The following NPM2 variants were observed in gnomAD, a reference collection of about 807,000 sequenced individuals.
NPM2 encodes nucleophosmin/nucleoplasmin 2.
In NPM2, 25 loss-of-function variants were observed where a neutral mutation model predicts 32.0. The ratio of observed to expected loss-of-function variants is 0.78; its 90% CI spans 0.57 to 1.09. The LOEUF (loss-of-function observed/expected upper bound fraction) is 1.09, where lower values mean the gene tolerates loss of function less well. Among genes scored for constraint, NPM2 ranks in the 50% least tolerant of loss-of-function variants. The probability of loss-of-function intolerance (pLI) is 0.00; values close to 1 mark genes in which losing one functional copy is unlikely to be tolerated. For missense variants in NPM2, 282 were observed against 259.9 expected (o/e 1.08, Z -0.58); for synonymous variants, 111 against 94.2 (o/e 1.18, Z -1.04).
chr8:22,026,985 G>A (rs1464512995), intron 5 of NPM2, among the ~76,000 whole-genome samples: 1 of 152,158 alleles, frequency 6.6e-6, no homozygotes, highest in African/African-American at 2.4e-5. Context: ...TTTACCAAAT[G>A]CTTTTCTATT....
At chr8:22,025,879 C>T in intron 5 of NPM2, 107 bp downstream of exon 5, 2 of 1,509,062 alleles carry the variant, frequency 1.3e-6, no homozygotes, top group Non-Finnish European at 1.8e-6. Flanking sequence ...ATGAGCCATG[C>T]TAGGGAGGTA....
chr8:22,034,845 C>T (rs1167242419), intron 8 of NPM2, among the ~76,000 whole-genome samples: 2 of 152,204 alleles, frequency 1.3e-5, no homozygotes, highest in Non-Finnish European at 2.9e-5. Context: ...TGGTGGCCCA[C>T]GCCTGTAATC....
Position 22,034,232 on chromosome 8 carries a change from A to T in NPM2, c.488A>T (p.Gln163Leu). The T allele has an allele frequency of 6.2e-7, 1 of 1,608,440 alleles. No individual in the cohort carries two copies. ...CTGGAGGAGCAAAGCCCTGTCAAAC[A>T]AGTCAAAAGGCTGGTGCCCCAGAAG... ...ISLEEQSPVK[Q>L]VKRLVPQKQA... The change falls in exon 7 of 10, where the codon CAA becomes CTA. Residue 163 changes from glutamine (Q) to leucine (L), a missense_variant. By Grantham distance (113) the Gln-to-Leu change is moderately radical (BLOSUM62 -2). Coordinates refer to ENST00000518119, the MANE Select transcript of NPM2 (RefSeq NM_001286680.2).
Position 22,025,715 on chromosome 8 carries a change from G to A in NPM2, c.213G>A (p.Glu71=), listed in dbSNP as rs753006922. ...AGATCCTGCCCCCAGCAAACCAGGA[G>A]GACAAGAAGATGCAGCCGGTCACCA... ...RVEILPPANQ[E]DKKMQPVTIA... Residue 71 remains glutamate, a synonymous_variant, in exon 5 of 10, where the codon GAG becomes GAA. Transcript: ENST00000518119. 3.7e-6 allele frequency: 6 copies of A among 1,614,110 alleles called. No homozygotes were observed. In the South Asian group the frequency reaches 4.4e-5, roughly 12 times the overall value.
At chr8:22,033,575 TAGCAAC>T (rs1800513963) in intron 6 of NPM2, among the ~76,000 whole-genome samples, 1 of 152,122 alleles carries the variant, frequency 6.6e-6, no homozygotes, top group Non-Finnish European at 1.5e-5. Flanking sequence ...ACGCAGACCA[TAGCAAC>T]GCAGACCATA....
intron 5 of NPM2, among the ~76,000 whole-genome samples, chr8:22,028,191 C>A (rs568841583): frequency 6.6e-6 from 1 of 152,144 alleles, no homozygotes; most frequent in Non-Finnish European, 1.5e-5. Flanking sequence ...CACACTCATT[C>A]GTTTGTACCC....
At chr8:22,027,689 C>G (rs1051677361) in intron 5 of NPM2, among the ~76,000 whole-genome samples, 2 of 151,948 alleles carry the variant, frequency 1.3e-5, no homozygotes, top group Non-Finnish European at 2.9e-5. Context: ...TCACTGCAAC[C>G]TCCGCATCCC....
Position 22,036,762 on chromosome 8 carries a change from C to A in NPM2, c.*80C>A. On this transcript the variant is annotated 3_prime_UTR_variant, in exon 10 of 10. Transcript: ENST00000518119. Reference sequence around the variant, plus strand: ...CAGGCACAGGGTGCCCCTGTCCAGCCCCTCCACCTGTGTCTGAATGCAACA... The same window carrying A: ...CAGGCACAGGGTGCCCCTGTCCAGCACCTCCACCTGTGTCTGAATGCAACA... 7.2e-7 allele frequency: 1 copy of A among 1,395,342 alleles called. No individual in the cohort carries two copies. The highest frequency in any genetic ancestry group is 9.6e-7 in the Non-Finnish European group (1 of 1,040,036). 86.4% of individuals were successfully genotyped at this position (1,395,342 alleles called of 1,614,324 possible). A position where few individuals can be genotyped will look rare whatever the true frequency, so the allele number is the denominator to read the frequency against.
At chr8:22,031,502 G>A (rs946391206) in intron 5 of NPM2, among the ~76,000 whole-genome samples, 1 of 152,190 alleles carries the variant, frequency 6.6e-6, no homozygotes, top group Non-Finnish European at 1.5e-5. Flanking sequence ...CTGGCACGCA[G>A]TGGCGCAATC....
At chr8:22,034,751 C>T (rs995924088) in intron 8 of NPM2, among the ~76,000 whole-genome samples, 1 of 152,178 alleles carries the variant, frequency 6.6e-6, no homozygotes, top group Non-Finnish European at 1.5e-5. Flanking sequence ...GGATCTAATT[C>T]CAGTGAAGGC....
intron 5 of NPM2, among the ~76,000 whole-genome samples, chr8:22,030,153 A>G (rs1374255430): frequency 6.6e-6 from 1 of 152,016 alleles, no homozygotes; most frequent in Non-Finnish European, 1.5e-5. Context: ...TCTGCCTTAT[A>G]CTGGGTAATT....
chr8:22,029,257 C>T (rs1800356497), intron 5 of NPM2, among the ~76,000 whole-genome samples: 1 of 152,132 alleles, frequency 6.6e-6, no homozygotes, highest in South Asian at 2.1e-4. Context: ...GATTCTCCTG[C>T]CTCAGCCTCC....
chr8:22,033,788 C>T (rs182565110), intron 6 of NPM2, among the ~76,000 whole-genome samples: 1 of 152,282 alleles, frequency 6.6e-6, no homozygotes, highest in Admixed American at 6.5e-5. Flanking sequence ...CCCTACTCTG[C>T]CTACCTTTAG....
At chr8:22,027,347 G>A (rs929080424) in intron 5 of NPM2, among the ~76,000 whole-genome samples, 6 of 152,106 alleles carry the variant, frequency 3.9e-5, no homozygotes, top group Non-Finnish European at 5.9e-5. Context: ...CTTTGCAGGC[G>A]ATCTCATCCT....
chr8:22,034,496 T>A lies in NPM2; in HGVS notation c.532-14T>A. ...TGTCTGAACTCTCATAATACACTGTTTTTTGGTTCCCAGAAAAAAAAGCTG... is the reference window on the plus strand; with the variant it reads ...TGTCTGAACTCTCATAATACACTGTATTTTGGTTCCCAGAAAAAAAAGCTG... On this transcript the variant is annotated splice_polypyrimidine_tract_variant and intron_variant, in intron 7 of 9. Transcript: ENST00000518119. 1 of 1,610,444 alleles carries A rather than the reference T, an allele frequency of 6.2e-7. No homozygotes were observed. Among genetic ancestry groups the A allele is most frequent in the South Asian group, 1.1e-5 (1 of 90,916 alleles).
At position 22,024,256 on chromosome 8, in the gene NPM2, C is replaced by T. The variant is rs562821925; in HGVS notation, c.-508C>T. 1 of 152,536 alleles carries T rather than the reference C, an allele frequency of 6.6e-6. No individual in the cohort carries two copies. The highest frequency in any genetic ancestry group is 1.9e-4 in the East Asian group (1 of 5,186). 9.4% of individuals were successfully genotyped at this position (152,536 alleles called of 1,614,324 possible). ...TGGAGACAGGGCTCGCTCGCTCTCA[C>T]GGTAGGCTGGAAGAACGGGCTGTCT... is the stretch of plus-strand genomic sequence containing the variant. On this transcript the variant is annotated 5_prime_UTR_variant, in exon 1 of 10. In the 5' UTR this introduces an upstream ATG that the reference lacks. Transcript: ENST00000518119.
At chr8:22,025,560 G>A in intron 4 of NPM2, 39 bp downstream of exon 4, 11 of 1,613,518 alleles carry the variant, frequency 6.8e-6, no homozygotes, top group Non-Finnish European at 9.3e-6. Context: ...ATGGTGTCCG[G>A]GAACTTTCTG....
chr8:22,035,299 G>A (rs1316827993), intron 8 of NPM2, among the ~76,000 whole-genome samples: 1 of 152,116 alleles, frequency 6.6e-6, no homozygotes, highest in Non-Finnish European at 1.5e-5. Context: ...AATGAGACAG[G>A]GTTTTGCTCT....
At chr8:22,033,865 C>T (rs1800524313) in intron 6 of NPM2, among the ~76,000 whole-genome samples, 1 of 152,168 alleles carries the variant, frequency 6.6e-6, no homozygotes, top group Non-Finnish European at 1.5e-5. Context: ...CCCCTGCCCT[C>T]TTTCTACCAC....
Sources: allele counts gnomAD v4.1 joint callset (sites outside exome capture counted in the v4.1 genomes callset), GRCh38; gene constraint gnomAD v4.1.1; transcripts MANE v1.5; gene names NCBI Gene and HGNC (gene_info 2026-07-23, HGNC 2026-07-21).